CD274: variants seen among roughly 807,000 people sequenced by gnomAD.
The protein encoded by CD274 is programmed cell death 1 ligand 1.
CD274 carries 8 observed loss-of-function variants against 30.1 expected under a neutral mutation model. That is an observed-to-expected ratio of 0.27 (90% CI 0.16 to 0.48). CD274 has a LOEUF of 0.48. CD274 is among the 20% of genes least tolerant of loss of function. The probability of loss-of-function intolerance (pLI) is 0.99; values close to 1 mark genes in which losing one functional copy is unlikely to be tolerated. For missense variants in CD274, 353 were observed against 346.6 expected (o/e 1.02, Z -0.15); for synonymous variants, 152 against 124.6 (o/e 1.22, Z -1.46).
At chr9:5,458,750 T>C (rs1345135003) in intron 3 of CD274, among the ~76,000 whole-genome samples, 1 of 152,204 alleles carries the variant, frequency 6.6e-6, no homozygotes, top group Non-Finnish European at 1.5e-5. Context: ...ACTTGTAAAG[T>C]AGATTTAATT....
chr9:5,461,933 G>A (rs1819410731), intron 3 of CD274, among the ~76,000 whole-genome samples: 2 of 152,140 alleles, frequency 1.3e-5, no homozygotes, highest in African/African-American at 4.8e-5. Flanking sequence ...ACAGAAAAAG[G>A]ATATTAGGGA....
chr9:5,467,901 C>A lies in CD274; in HGVS notation c.*39C>A, dbSNP rs757029166. 6.3e-7 allele frequency: 1 copy of A among 1,582,322 alleles called. No homozygotes were observed. The highest frequency in any genetic ancestry group is 2.2e-5 in the East Asian group (1 of 44,734). Reference sequence around the variant, plus strand: ...CTTCTGATCTTCAAGCAGGGATTCTCAACCTGTGGTTTAGGGGTTCATCGG... The same window carrying A: ...CTTCTGATCTTCAAGCAGGGATTCTAAACCTGTGGTTTAGGGGTTCATCGG... On this transcript the variant is annotated 3_prime_UTR_variant, in exon 7 of 7. Transcript: ENST00000381577.
At chr9:5,459,760 A>G (rs1404520701) in intron 3 of CD274, among the ~76,000 whole-genome samples, 1 of 152,196 alleles carries the variant, frequency 6.6e-6, no homozygotes, top group Non-Finnish European at 1.5e-5. Flanking sequence ...CAGCAGGGAA[A>G]ACGAAATGTT....
chr9:5,468,687 C>T lies in CD274; in HGVS notation c.*825C>T, dbSNP rs945802545. 1.7e-5 allele frequency: 4 copies of T among 232,876 alleles called. No homozygotes were observed. The highest frequency in any genetic ancestry group is 4.4e-5 in the African/African-American group (2 of 45,310). The allele number at this position is 232,876 out of a possible 1,614,324, so 14.4% of individuals were successfully genotyped here. On this transcript the variant is annotated 3_prime_UTR_variant, in exon 7 of 7. Transcript: ENST00000381577. ...GCCTACACACATAATCTCATTTCAT[C>T]GCTGTAACCACCCTGTTGTGATAAC... is the stretch of plus-strand genomic sequence containing the variant.
rs761920428 is a variant in CD274, at chr9:5,462,917, T to C, written c.478T>C (p.Tyr160His). The change falls in exon 4 of 7, where the codon TAC (tyrosine) becomes CAC (histidine). Residue 160 changes from tyrosine (Y) to histidine (H), a missense_variant. Physicochemically the swap from Tyr to His is moderately conservative, Grantham distance 83 (BLOSUM62 2). Coordinates refer to ENST00000381577, the MANE Select transcript of CD274 (RefSeq NM_014143.4). ...TGAACTGACATGTCAGGCTGAGGGCTACCCCAAGGCCGAAGTCATCTGGAC... is the reference window on the plus strand; with the variant it reads ...TGAACTGACATGTCAGGCTGAGGGCCACCCCAAGGCCGAAGTCATCTGGAC... ...EHELTCQAEG[Y>H]PKAEVIWTSS... 3.1e-6 allele frequency: 5 copies of C among 1,614,076 alleles called. No individual in the cohort carries two copies. The highest frequency in any genetic ancestry group is 3.3e-4 in the Middle Eastern group (2 of 6,062).
In CD274 at chr9:5,469,832, A is replaced by T; in HGVS notation, c.*1970A>T. ...CAATCTAGTCCTAAAAAGCAATCTTATTATTAACTCTGTATGACAGAATCA... is the reference window on the plus strand; with the variant it reads ...CAATCTAGTCCTAAAAAGCAATCTTTTTATTAACTCTGTATGACAGAATCA... On this transcript the variant is annotated 3_prime_UTR_variant, in exon 7 of 7. Transcript: ENST00000381577. 1 of 233,066 alleles carries T rather than the reference A, an allele frequency of 4.3e-6. No individual in the cohort carries two copies. Among genetic ancestry groups the T allele is most frequent in the Non-Finnish European group, 8.5e-6 (1 of 117,926 alleles). 14.4% of individuals were successfully genotyped at this position (233,066 alleles called of 1,614,324 possible).
chr9:5,458,423 G>A (rs1819345427), intron 3 of CD274, among the ~76,000 whole-genome samples: 2 of 152,206 alleles, frequency 1.3e-5, no homozygotes, highest in Admixed American at 1.3e-4. Context: ...ATAGTAAGCT[G>A]AAATCTGCCC....
intron 4 of CD274, among the ~76,000 whole-genome samples, chr9:5,464,840 A>C (rs1819469198): frequency 6.6e-6 from 1 of 152,174 alleles, no homozygotes; most frequent in Non-Finnish European, 1.5e-5. Flanking sequence ...TAATCTCAGC[A>C]CTTTGGGAGG....
intron 4 of CD274, among the ~76,000 whole-genome samples, chr9:5,464,100 C>T (rs971099812): frequency 3.3e-5 from 5 of 152,014 alleles, no homozygotes; most frequent in Admixed American, 2.0e-4. Context: ...TAATCCAGGA[C>T]GGTGTTGTGA....
intron 5 of CD274, among the ~76,000 whole-genome samples, chr9:5,466,199 G>C (rs1819495528): frequency 1.3e-5 from 2 of 152,204 alleles, no homozygotes; most frequent in African/African-American, 4.8e-5. Context: ...ATGGTATAGA[G>C]TTGTCTGATG....
At chr9:5,452,972 T>C (rs1334881631) in intron 1 of CD274, among the ~76,000 whole-genome samples, 2 of 151,944 alleles carry the variant, frequency 1.3e-5, no homozygotes, top group African/African-American at 4.8e-5. Context: ...AAATATCACA[T>C]TAATATTTTA....
Position 5,456,045 on chromosome 9 carries a change from T to C in CD274, c.-14-55T>C, listed in dbSNP as rs75707549. On this transcript the variant is annotated intron_variant, in intron 1 of 6. Transcript: ENST00000381577. ...AACCACCAAGTCCCATATTGTCATA[T>C]TGTATGTTTAATTATTAAGTGAAGC... is the stretch of plus-strand genomic sequence containing the variant. The C allele has an allele frequency of 3.5e-4, 338 of 969,354 alleles. 3 individuals carry two copies. In the African/African-American group the frequency reaches 5.1e-3, roughly 15 times the overall value. The allele number at this position is 969,354 out of a possible 1,614,324, so 60.0% of individuals were successfully genotyped here.
intron 4 of CD274, among the ~76,000 whole-genome samples, chr9:5,464,131 C>G (rs1289344542): frequency 6.6e-6 from 1 of 152,120 alleles, no homozygotes; most frequent in East Asian, 1.9e-4. Flanking sequence ...GGGGAAAAAA[C>G]TTTAGAAAAT....
At position 5,457,084 on chromosome 9, in the gene CD274, A is replaced by T. The variant is rs1563802741; in HGVS notation, c.58A>T (p.Thr20Ser). The T allele has an allele frequency of 6.3e-7, 1 of 1,595,270 alleles. No homozygotes were observed. Among genetic ancestry groups the T allele is most frequent in the Non-Finnish European group, 8.6e-7 (1 of 1,165,386 alleles). ...TTGTCCTTCTTTCTTTTTAGCATTTACTGTCACGGTTCCCAAGGACCTATA... is the reference window on the plus strand; with the variant it reads ...TTGTCCTTCTTTCTTTTTAGCATTTTCTGTCACGGTTCCCAAGGACCTATA... ...MTYWHLLNAFTVTVPKDLYVV... is the reference protein window; with the variant it reads ...MTYWHLLNAFSVTVPKDLYVV... Residue 20 changes from threonine to serine, a missense_variant, in exon 3 of 7, where the codon ACT becomes TCT. Coordinates refer to ENST00000381577, the MANE Select transcript of CD274 (RefSeq NM_014143.4).
Position 5,467,860 on chromosome 9 carries a change from T to TAA in CD274, c.872_873dup. 1 of 1,609,844 alleles carries TAA rather than the reference T, an allele frequency of 6.2e-7. No homozygotes were observed. The highest frequency in any genetic ancestry group is 1.3e-5 in the African/African-American group (1 of 74,970). ...KQSDTHLEET[*] The stretch of plus-strand genomic sequence containing the variant: ...TCCAGATACACATTTGGAGGAGACG[T>TAA]AATCCAGCATTGGAACTTCTGATCT... Residue 291 remains the stop codon, a frameshift_variant and stop_retained_variant, in exon 7 of 7, where the codon TAA becomes TAAAA. Transcript: ENST00000381577. LOFTEE classifies it high-confidence loss of function.
At chr9:5,467,799 A>G (rs746706012) in intron 6 of CD274, 41 bp from the exon 7 acceptor site, 1 of 1,540,180 alleles carries the variant, frequency 6.5e-7, no homozygotes. Context: ...TTTTCCCCAG[A>G]CCACTTCCCA....
chr9:5,454,635 A>G (rs1019773181), intron 1 of CD274, among the ~76,000 whole-genome samples: 1 of 124,230 alleles, frequency 8.0e-6, no homozygotes, highest in Non-Finnish European at 1.6e-5. Flanking sequence ...AGACATATAT[A>G]TATATATGTG....
intron 3 of CD274, among the ~76,000 whole-genome samples, chr9:5,460,556 G>A (rs1236117429): frequency 6.6e-6 from 1 of 152,038 alleles, no homozygotes; most frequent in East Asian, 1.9e-4. Context: ...GGAAACTGAG[G>A]TCCAAAGAAA....
chr9:5,469,495 A>AT lies in CD274; in HGVS notation c.*1640dup. ...TATGTTAAAAGCACGTATTTTTAAA[A>AT]TTTTTTTCCTAAATAGTAACACATT... On this transcript the variant is annotated 3_prime_UTR_variant, in exon 7 of 7. Coordinates refer to ENST00000381577, the MANE Select transcript of CD274 (RefSeq NM_014143.4). 4.3e-6 allele frequency: 1 copy of AT among 230,770 alleles called. No homozygotes were observed. The highest frequency in any genetic ancestry group is 8.6e-6 in the Non-Finnish European group (1 of 116,654). The allele number at this position is 230,770 out of a possible 1,614,324, so 14.3% of individuals were successfully genotyped here.
Sources: gnomAD v4.1 joint callset for allele counts (sites outside exome capture counted in the v4.1 genomes callset) on GRCh38, gnomAD v4.1.1 for gene constraint, MANE v1.5 for transcripts, NCBI Gene and HGNC (gene_info 2026-07-23, HGNC 2026-07-21) for gene names.